Variants in RTL1 observed in about 807,000 individuals in gnomAD.
The protein encoded by RTL1 is retrotransposon Gag like 1.
For missense variants in RTL1, 1,681 were observed against 1,767.5 expected, an observed-to-expected ratio of 0.95 and a Z score of 0.88; for synonymous variants, 727 against 748.4, an observed-to-expected ratio of 0.97 and a Z score of 0.47.
At chr14:100,900,271 T>C (rs932423443) in intron 2 of RTL1, among the ~76,000 whole-genome samples, 2 of 152,194 alleles carry the variant, frequency 1.3e-5, no homozygotes, top group Non-Finnish European at 2.9e-5. Flanking sequence ...TCACAGAAAA[T>C]TCTCCCTGGG....
chr14:100,881,047 G>A lies in RTL1; in HGVS notation c.3742C>T (p.Leu1248=). Residue 1248 remains leucine (L), a synonymous_variant, in exon 4 of 4, where the codon CTG becomes TTG. Coordinates refer to ENST00000649591, the MANE Select transcript of RTL1 (RefSeq NM_001134888.3). This position sits in a 1 kb window ranked among gnomAD's most constrained non-coding sequence, Gnocchi z 6.6. ...GAGGTGTCTTGCAGGCCGTCATGCA[G>A]GCCACACTGACGGTAACGTTGCAGG... ...DDLQRYRQCG[L]HDGLQDTSQD... 1 of 1,602,044 alleles carries A rather than the reference G, an allele frequency of 6.2e-7. No homozygotes were observed. Among genetic ancestry groups the A allele is most frequent in the South Asian group, 1.1e-5 (1 of 88,930 alleles).
Position 100,883,263 on chromosome 14 carries a change from A to T in RTL1, c.1526T>A (p.Leu509His). Reference protein sequence around the residue: ...NFSVVLGIRWLRVHAPEVDWI... With the variant: ...NFSVVLGIRWHRVHAPEVDWI... ...GTCGACTTCGGGGGCGTGGACTCGG[A>T]GCCAGCGGATGCCTAGGACCACAGA... Residue 509 changes from leucine to histidine, a missense_variant, in exon 4 of 4, where the codon CTC becomes CAC. Transcript: ENST00000649591. The surrounding 1 kb of genome is among the most constrained non-coding windows in gnomAD (Gnocchi z 5.9). 1 of 1,550,946 alleles carries T rather than the reference A, an allele frequency of 6.4e-7. No homozygotes were observed. The highest frequency in any genetic ancestry group is 1.2e-5 in the South Asian group (1 of 83,994).
At chr14:100,901,534 T>C (rs1339411862) in intron 2 of RTL1, among the ~76,000 whole-genome samples, 2 of 152,164 alleles carry the variant, frequency 1.3e-5, no homozygotes, top group Non-Finnish European at 2.9e-5. Flanking sequence ...TGTGAGGAGC[T>C]TTCATGAGTC....
rs1236966887 is a variant in RTL1, at chr14:100,880,220, G to C, written c.*492C>G. Among the ~76,000 whole-genome samples the C allele has an allele frequency of 6.9e-6, 1 of 144,906 alleles. No homozygotes were observed. Among genetic ancestry groups the C allele is most frequent in the Non-Finnish European group, 1.5e-5 (1 of 65,622 alleles). ...GGGAGGTTGGGGGATGGGGGTTGGG[G>C]GGCGGGGGCGGGAGCTCAGGGGAGC... On this transcript the variant is annotated 3_prime_UTR_variant, in exon 4 of 4. Coordinates refer to ENST00000649591, the MANE Select transcript of RTL1 (RefSeq NM_001134888.3).
Position 100,881,607 on chromosome 14 carries a change from T to C in RTL1, c.3182A>G (p.Asn1061Ser), listed in dbSNP as rs566658616. 328 of 1,551,806 alleles carry C rather than the reference T, an allele frequency of 2.1e-4. 1 individual carries two copies. In the East Asian group the frequency reaches 5.8e-3, roughly 28 times the overall value. The stretch of plus-strand genomic sequence containing the variant: ...CATGCTGAAGTGGGCGAGGAAGCTG[T>C]TGAGGATCTGGTCGATGGGTATCAT... The part of the protein sequence containing the change: ...LAMIPIDQIL[N>S]SFLAHFSMAQ... Residue 1061 changes from asparagine to serine, a missense_variant, in exon 4 of 4, where the codon AAC becomes AGC. Asn to Ser is a conservative substitution (Grantham distance 46). Transcript: ENST00000649591. The surrounding 1 kb of genome is among the most constrained non-coding windows in gnomAD (Gnocchi z 6.6).
rs1322506284 is a variant in RTL1 at position 100,883,325 on chromosome 14, C to T, written c.1464G>A (p.Glu488=). The T allele has an allele frequency of 6.4e-6, 10 of 1,551,284 alleles. No homozygotes were observed. The highest frequency in any genetic ancestry group is 8.7e-6 in the Non-Finnish European group (10 of 1,146,854). ...AAGGTACGATGTCAAATTCGATGGA[C>T]TCCTGGTGGTTCTGGTGGATACACA... ...PLVCIHQNHQ[E]SIEFDIVPSP... Residue 488 remains glutamate (E), a synonymous_variant, in exon 4 of 4, where the codon GAG becomes GAA. Transcript: ENST00000649591. This position sits in a 1 kb window ranked among gnomAD's most constrained non-coding sequence, Gnocchi z 5.9.
In RTL1 at chr14:100,882,957, G is replaced by A; in HGVS notation, c.1832C>T (p.Pro611Leu). ...CACAGGTTCCCAAGGCGCGGTGGAG[G>A]GACACTCGTAAAAGGTCTCGCTGTG... ...SDHSETFYEC[P>L]STAPWEPVGA... is the part of the protein sequence containing the mutation. Residue 611 changes from proline to leucine, a missense_variant, in exon 4 of 4, where the codon CCC becomes CTC. Pro to Leu is a moderately conservative substitution (Grantham distance 98). Transcript: ENST00000649591. 1 of 1,613,846 alleles carries A rather than the reference G, an allele frequency of 6.2e-7. No homozygotes were observed. The highest frequency in any genetic ancestry group is 1.7e-5 in the Admixed American group (1 of 59,992).
intron 2 of RTL1, chr14:100,897,865 T>A: frequency 4.5e-6 from 2 of 440,114 alleles, no homozygotes; most frequent in Middle Eastern, 7.0e-4. Flanking sequence ...GTTTATGACA[T>A]TATTATAAAT....
intron 3 of RTL1, among the ~76,000 whole-genome samples, chr14:100,891,062 ATTCCTGGGGGC>A (rs1306679736): frequency 2.0e-5 from 3 of 152,066 alleles, no homozygotes; most frequent in Admixed American, 2.0e-4. Flanking sequence ...GGCTGGTGAG[ATTCCTGGGGGC>A]TTCCTGAGGG....
rs777595312 is a variant in RTL1, at chr14:100,893,970, C to T, written c.-148-465G>A. Among the ~76,000 whole-genome samples, 10 of 152,188 alleles carry T rather than the reference C, an allele frequency of 6.6e-5. No homozygotes were observed. Among genetic ancestry groups the T allele is most frequent in the Admixed American group, 1.3e-4 (2 of 15,286 alleles). ...CTCTTCAGTTCCTGGAAGCCTCCTGCCCTTGGTGGACAACCATTTTGCTCT... is the reference window on the plus strand; with the variant it reads ...CTCTTCAGTTCCTGGAAGCCTCCTGTCCTTGGTGGACAACCATTTTGCTCT... On this transcript the variant is annotated intron_variant, in intron 2 of 3. Coordinates refer to ENST00000649591, the MANE Select transcript of RTL1 (RefSeq NM_001134888.3). The surrounding 1 kb of genome is among the most constrained non-coding windows in gnomAD (Gnocchi z 4.2).
At position 100,884,779 on chromosome 14, in the gene RTL1, G is replaced by A. The variant is rs745330259; in HGVS notation, c.10C>T (p.Pro4Ser). The A allele has an allele frequency of 5.7e-6, 9 of 1,566,014 alleles. No homozygotes were observed. Among genetic ancestry groups the A allele is most frequent in the Non-Finnish European group, 6.9e-6 (8 of 1,156,710 alleles). Residue 4 changes from proline to serine, a missense_variant, in exon 4 of 4, where the codon CCC (proline) becomes TCC (serine). Pro to Ser is a moderately conservative substitution (Grantham distance 74). Transcript: ENST00000649591. MIEPSEDSFETMME... is the reference protein window; with the variant it reads MIESSEDSFETMME... ...ATCGTCTCAAATGAGTCTTCAGAGG[G>A]TTCTATCATTTCGTCGGATGGAAAG...
chr14:100,883,623 C>A lies in RTL1; in HGVS notation c.1166G>T (p.Arg389Met), dbSNP rs1413832472. 1.4e-5 allele frequency: 21 copies of A among 1,551,356 alleles called. No homozygotes were observed. The South Asian group carries it at 1.9e-4, about 14-fold the overall frequency. The change falls in exon 4 of 4, where the codon AGG becomes ATG. Residue 389 changes from arginine (R) to methionine (M), a missense_variant. Arg to Met is a moderately conservative substitution (Grantham distance 91, BLOSUM62 -1). Transcript: ENST00000649591. This position sits in a 1 kb window ranked among gnomAD's most constrained non-coding sequence, Gnocchi z 5.9. ...GGGCAACCAGCTGCTGACCATCCACCTCTCTGGAGCAGGTGAGTCGATCCA... is the reference window on the plus strand; with the variant it reads ...GGGCAACCAGCTGCTGACCATCCACATCTCTGGAGCAGGTGAGTCGATCCA... Reference protein sequence around the residue: ...LTWIDSPAPERWMVSSWLPSE... With the variant: ...LTWIDSPAPEMWMVSSWLPSE...
At position 100,881,938 on chromosome 14, in the gene RTL1, T is replaced by A. The variant is rs539934770; in HGVS notation, c.2851A>T (p.Thr951Ser). 1.2e-6 allele frequency: 2 copies of A among 1,613,644 alleles called. No individual in the cohort carries two copies. The highest frequency in any genetic ancestry group is 4.5e-5 in the East Asian group (2 of 44,860). ...TEEPIMILLNTEDLASLNNDR... is the reference protein window; with the variant it reads ...TEEPIMILLNSEDLASLNNDR... ...TTATTCAGAGAGGCTAGATCCTCTG[T>A]GTTGAGAAGGATCATGATGGGCTCC... is the stretch of plus-strand genomic sequence containing the variant. Residue 951 changes from threonine to serine, a missense_variant, in exon 4 of 4, where the codon ACA (threonine) becomes TCA (serine). Transcript: ENST00000649591. The surrounding 1 kb of genome is among the most constrained non-coding windows in gnomAD (Gnocchi z 6.6).
Position 100,883,381 on chromosome 14 carries a change from C to G in RTL1, c.1408G>C (p.Glu470Gln). The G allele has an allele frequency of 1.9e-6, 3 of 1,550,838 alleles. No individual in the cohort carries two copies. Among genetic ancestry groups the G allele is most frequent in the Non-Finnish European group, 2.6e-6 (3 of 1,146,432 alleles). ...GGCTCCGTGTAGAGCCAGACAGGCT[C>G]GTTGCCAATCAGCGAGCCGTCCACG... ...QSVDGSLIGNEPVWLYTEPLV... is the reference protein window; with the variant it reads ...QSVDGSLIGNQPVWLYTEPLV... Residue 470 changes from glutamate (E) to glutamine (Q), a missense_variant, in exon 4 of 4, where the codon GAG becomes CAG. Physicochemically the swap from Glu to Gln is conservative, Grantham distance 29 (BLOSUM62 2). Coordinates refer to ENST00000649591, the MANE Select transcript of RTL1 (RefSeq NM_001134888.3). This position sits in a 1 kb window ranked among gnomAD's most constrained non-coding sequence, Gnocchi z 5.9.
At position 100,892,059 on chromosome 14, in the gene RTL1, G is replaced by A. The variant is rs1401052764; in HGVS notation, c.-87+1385C>T. Reference sequence around the variant, plus strand: ...GTATTATTTCATTTAAACAGAGGTTGCCAGATCTGAGCAATGGTTGAAAGC... The same window carrying A: ...GTATTATTTCATTTAAACAGAGGTTACCAGATCTGAGCAATGGTTGAAAGC... On this transcript the variant is annotated intron_variant, in intron 3 of 3. Coordinates refer to ENST00000649591, the MANE Select transcript of RTL1 (RefSeq NM_001134888.3). Among the ~76,000 whole-genome samples, 3 of 152,196 alleles carry A rather than the reference G, an allele frequency of 2.0e-5. No individual in the cohort carries two copies. The East Asian group carries it at 5.8e-4, about 29-fold the overall frequency.
At chr14:100,887,678 C>G (rs2038712619) in intron 3 of RTL1, among the ~76,000 whole-genome samples, 1 of 151,974 alleles carries the variant, frequency 6.6e-6, no homozygotes, top group Non-Finnish European at 1.5e-5. Flanking sequence ...ATCGCTTGAA[C>G]CTTGGAGGTT....
chr14:100,882,429 A>G lies in RTL1; in HGVS notation c.2360T>C (p.Val787Ala), dbSNP rs2038630689. The change falls in exon 4 of 4, where the codon GTG (valine) becomes GCG (alanine). Residue 787 changes from valine (V) to alanine (A), a missense_variant. Transcript: ENST00000649591. ...FLGFVVTPKG[V>A]KLNKNVMTII... ...GGTCATGACGTTCTTGTTCAGTTTC[A>G]CCCCTTTGGGGGTGACGACGAAGCC... 1 of 1,551,534 alleles carries G rather than the reference A, an allele frequency of 6.4e-7. No individual in the cohort carries two copies. Among genetic ancestry groups the G allele is most frequent in the Non-Finnish European group, 8.7e-7 (1 of 1,147,028 alleles).
chr14:100,902,030 C>T (rs2038948684), intron 2 of RTL1, among the ~76,000 whole-genome samples: 2 of 152,214 alleles, frequency 1.3e-5, no homozygotes, highest in Admixed American at 6.5e-5. Context: ...AACATGTGGG[C>T]TGCCAGCCTG....
chr14:100,898,986 G>C (rs186201309), intron 2 of RTL1: 5 of 152,416 alleles, frequency 3.3e-5, no homozygotes, highest in African/African-American at 9.6e-5. Context: ...TGTTGCCTGG[G>C]TCTGACTTTG....
Sources: gnomAD v4.1 joint callset for allele counts (sites outside exome capture counted in the v4.1 genomes callset) on GRCh38, gnomAD v4.1.1 for gene constraint, Gnocchi (gnomAD v3.1) non-coding constraint, MANE v1.5 for transcripts, NCBI Gene and HGNC (gene_info 2026-07-23, HGNC 2026-07-21) for gene names.